The following PRKD3 variants were observed in gnomAD, a reference collection of about 807,000 sequenced individuals.
The protein encoded by PRKD3 is protein kinase D3.
A neutral mutation model predicts 99.2 loss-of-function variants in PRKD3; 47 were observed. The observed-to-expected ratio is 0.47, with a 90% confidence interval of 0.38 to 0.60. The LOEUF is 0.60. Ranked by LOEUF, PRKD3 falls within the 20% of genes least tolerant of loss-of-function variation. PRKD3 has a pLI of 0.00. For synonymous variants in PRKD3, 392 were observed against 355.4 expected (o/e 1.10, Z -1.16); for missense variants, 1,019 against 1,088.4 (o/e 0.94, Z 0.90).
At chr2:37,254,337 A>G in intron 17 of PRKD3, 48 bp from the exon 18 acceptor site, 1 of 1,455,168 alleles carries the variant, frequency 6.9e-7, no homozygotes, top group Non-Finnish European at 9.7e-7. Flanking sequence ...TGCACAGAGT[A>G]CCCCAAACTT....
intron 14 of PRKD3, among the ~76,000 whole-genome samples, chr2:37,262,843 C>T (rs1489285626): frequency 6.6e-6 from 1 of 152,092 alleles, no homozygotes; most frequent in Non-Finnish European, 1.5e-5. Context: ...CCCATTTTCT[C>T]CAAGTTTCCA....
intron 2 of PRKD3, among the ~76,000 whole-genome samples, chr2:37,307,930 T>A (rs2124884475): frequency 6.6e-6 from 1 of 152,348 alleles, no homozygotes; most frequent in South Asian, 2.1e-4. Context: ...TTTAATCTAG[T>A]TTTTAAATTA....
intron 5 of PRKD3, among the ~76,000 whole-genome samples, chr2:37,286,910 T>C (rs1670120462): frequency 6.6e-6 from 1 of 152,126 alleles, no homozygotes; most frequent in Non-Finnish European, 1.5e-5. Flanking sequence ...TTGGAGACTA[T>C]TCCAGAACCT....
rs2148457580 is a variant in PRKD3, at chr2:37,250,712, G to GTGAT, written c.*2461_*2464dup. 1 of 152,212 alleles carries GTGAT rather than the reference G, an allele frequency of 6.6e-6. No individual in the cohort carries two copies. The highest frequency in any genetic ancestry group is 1.9e-4 in the East Asian group (1 of 5,178). The allele number at this position is 152,212 out of a possible 1,614,324, so 9.4% of individuals were successfully genotyped here. On this transcript the variant is annotated 3_prime_UTR_variant, in exon 19 of 19. Transcript: ENST00000234179. ...TCAGGTTTTCACATGGAAAAGTATG[G>GTGAT]TGATAGGAAATACATTTTATTATCA... is the stretch of plus-strand genomic sequence containing the variant.
chr2:37,296,234 G>A (rs1670668445), intron 2 of PRKD3, among the ~76,000 whole-genome samples: 1 of 151,908 alleles, frequency 6.6e-6, no homozygotes, highest in African/African-American at 2.4e-5. Context: ...CCAAGAGAAG[G>A]AAAACAACAT....
At position 37,279,769 on chromosome 2, in the gene PRKD3, A is replaced by G; in HGVS notation, c.1149T>C (p.Asp383=). ...LDPSDLDVER[D]EEAVKTISPS... ...ACCTGATTGTTTTAACGGCTTCTTC[A>G]TCTCTTTCCACATCGAGATCAGATG... The change falls in exon 8 of 19, where the codon GAT becomes GAC. Residue 383 remains aspartate (D), a synonymous_variant. Coordinates refer to ENST00000234179, the MANE Select transcript of PRKD3 (RefSeq NM_005813.6). The G allele has an allele frequency of 6.2e-7, 1 of 1,613,084 alleles. No homozygotes were observed.
chr2:37,302,828 G>A (rs1367753064), intron 2 of PRKD3, among the ~76,000 whole-genome samples: 3 of 152,008 alleles, frequency 2.0e-5, no homozygotes, highest in Admixed American at 1.3e-4. Flanking sequence ...GCTGATGATA[G>A]AGACAGAAGG....
intron 9 of PRKD3, among the ~76,000 whole-genome samples, chr2:37,277,020 C>T (rs537887727): frequency 8.6e-5 from 13 of 152,040 alleles, no homozygotes; most frequent in African/African-American, 2.9e-4. Context: ...AAATAAAACA[C>T]ATACACACTG....
chr2:37,262,514 C>T (rs747636293), intron 14 of PRKD3, among the ~76,000 whole-genome samples: 3 of 152,138 alleles, frequency 2.0e-5, no homozygotes, highest in Non-Finnish European at 2.9e-5. Flanking sequence ...CAGCAAAATA[C>T]AAAATGACAA....
At chr2:37,254,755 A>C (rs904668267) in intron 17 of PRKD3, among the ~76,000 whole-genome samples, 4 of 152,206 alleles carry the variant, frequency 2.6e-5, no homozygotes, top group Admixed American at 2.6e-4. Context: ...CCAATGCTAG[A>C]GAGCACTCTA....
intron 1 of PRKD3, among the ~76,000 whole-genome samples, chr2:37,323,043 G>A (rs536982032): frequency 2.9e-4 from 44 of 151,794 alleles, no homozygotes; most frequent in Middle Eastern, 6.8e-3. Context: ...ATATTTTTCT[G>A]TATGTGGTGT....
chr2:37,300,109 G>A (rs1249402847), intron 2 of PRKD3, among the ~76,000 whole-genome samples: 1 of 152,094 alleles, frequency 6.6e-6, no homozygotes, highest in Non-Finnish European at 1.5e-5. Flanking sequence ...GCCACAACAG[G>A]GAATCAACCT....
rs1391882169 is a variant in PRKD3, at chr2:37,251,403, C to T, written c.*1774G>A. On this transcript the variant is annotated 3_prime_UTR_variant, in exon 19 of 19. Transcript: ENST00000234179. Reference sequence around the variant, plus strand: ...GAAATTTGGCAGTAAGTTAATCTCCCCTTGCCTCAGTTTTCTTATCTTTAA... The same window carrying T: ...GAAATTTGGCAGTAAGTTAATCTCCTCTTGCCTCAGTTTTCTTATCTTTAA... The T allele has an allele frequency of 1.3e-5, 2 of 152,470 alleles. No homozygotes were observed. The highest frequency in any genetic ancestry group is 4.8e-5 in the African/African-American group (2 of 41,402). 9.4% of individuals were successfully genotyped at this position (152,470 alleles called of 1,614,324 possible).
chr2:37,315,237 G>A (rs1052534380), intron 2 of PRKD3, among the ~76,000 whole-genome samples: 2 of 151,930 alleles, frequency 1.3e-5, no homozygotes, highest in African/African-American at 4.8e-5. Context: ...TGATAACACA[G>A]AAAACATACT....
rs569117977 is a variant in PRKD3, at chr2:37,308,367, T to C, written c.288+7870A>G. On this transcript the variant is annotated intron_variant, in intron 2 of 18. Coordinates refer to ENST00000234179, the MANE Select transcript of PRKD3 (RefSeq NM_005813.6). The stretch of plus-strand genomic sequence containing the variant: ...AGAGGTTTGATAGTCAATTCCATTA[T>C]ATGTAAATTTTCTTTTGAGTTTCCA... 2.6e-5 allele frequency among the ~76,000 whole-genome samples: 4 copies of C among 152,328 alleles called. No individual in the cohort carries two copies. The East Asian group carries it at 5.8e-4, about 22-fold the overall frequency.
chr2:37,254,361 A>C, intron 17 of PRKD3, 72 bp from the exon 18 acceptor site: 3 of 1,179,856 alleles, frequency 2.5e-6, no homozygotes. Flanking sequence ...ACTGCCTAGA[A>C]GGCAGTTCAA....
At position 37,256,900 on chromosome 2, in the gene PRKD3, G is replaced by A. The variant is rs1271759082; in HGVS notation, c.2175C>T (p.Arg725=). Residue 725 remains arginine, a synonymous_variant, in exon 17 of 19, where the codon CGC becomes CGT. Transcript: ENST00000234179. ...TCCTGAATGACTTTTCACCAATGAT[G>A]CGTGCAAATCCAAAGTCACACAGCT... The part of the protein sequence containing the change: ...QVKLCDFGFA[R]IIGEKSFRRS... The A allele has an allele frequency of 1.2e-6, 2 of 1,613,986 alleles. No homozygotes were observed. The highest frequency in any genetic ancestry group is 1.7e-5 in the Admixed American group (1 of 59,998).
At chr2:37,305,019 T>C (rs1196051257) in intron 2 of PRKD3, among the ~76,000 whole-genome samples, 1 of 152,152 alleles carries the variant, frequency 6.6e-6, no homozygotes, top group East Asian at 1.9e-4. Flanking sequence ...GACATTGATT[T>C]TGCCTAGACA....
At chr2:37,299,281 G>A (rs925584602) in intron 2 of PRKD3, among the ~76,000 whole-genome samples, 1 of 152,018 alleles carries the variant, frequency 6.6e-6, no homozygotes, top group Non-Finnish European at 1.5e-5. Flanking sequence ...GAAAACAATG[G>A]GGAAACACTC....
Sources: allele counts gnomAD v4.1 joint callset (sites outside exome capture counted in the v4.1 genomes callset), GRCh38; gene constraint gnomAD v4.1.1; transcripts MANE v1.5; gene names NCBI Gene and HGNC (gene_info 2026-07-23, HGNC 2026-07-21).